Variants in MYO16 observed in about 807,000 individuals in gnomAD.
MYO16 encodes unconventional myosin-XVI.
Under a neutral mutation model 205.3 loss-of-function variants are expected in MYO16, and 94 were observed. The observed-to-expected ratio is 0.46, with a 90% CI of 0.39 to 0.54. The LOEUF (loss-of-function observed/expected upper bound fraction) is 0.54. MYO16 is among the 20% of genes least tolerant of loss of function. The pLI is 0.00. For missense variants in MYO16, 2,315 were observed against 2,387.5 expected (o/e 0.97, Z 0.63); for synonymous variants, 988 against 954.0 (o/e 1.04, Z -0.66).
chr13:108,585,361 G>T, the MYO16 span, among the ~76,000 whole-genome samples: 4 of 152,212 alleles, frequency 2.6e-5, no homozygotes, highest in African/African-American at 9.6e-5. Context: ...ACATTTTCTG[G>T]TTGACATTGA....
At chr13:109,123,189 G>A (rs1360673137) in intron 29 of MYO16, among the ~76,000 whole-genome samples, 3 of 152,170 alleles carry the variant, frequency 2.0e-5, no homozygotes, top group East Asian at 1.9e-4. Context: ...GCCCCTTATT[G>A]AAGATATCAA....
chr13:109,106,559 C>T (rs1889127574), intron 28 of MYO16, among the ~76,000 whole-genome samples: 2 of 152,296 alleles, frequency 1.3e-5, no homozygotes, highest in East Asian at 1.9e-4. Flanking sequence ...GATTTTCACA[C>T]ATTTTATATG....
At chr13:108,618,089 C>G (rs1168855103) in intron 1 of MYO16, among the ~76,000 whole-genome samples, 1 of 152,150 alleles carries the variant, frequency 6.6e-6, no homozygotes, top group African/African-American at 2.4e-5. Flanking sequence ...AGCCCTCATG[C>G]TCTCTCCCCT....
rs180953134 is a variant in MYO16 at position 108,870,270 on chromosome 13, T to C, written c.1425+4028T>C. 2.8e-3 allele frequency among the ~76,000 whole-genome samples: 433 copies of C among 152,196 alleles called. 2 individuals carry two copies. Among genetic ancestry groups the C allele is most frequent in the Non-Finnish European group, 3.5e-3 (237 of 67,956 alleles). ...ACCTTACATTTTGATGTTTTATCCT[T>C]TTCTTTATATTACTGACGTCTATTA... is the stretch of plus-strand genomic sequence containing the variant. On this transcript the variant is annotated intron_variant, in intron 12 of 34. Transcript: ENST00000457511.
At chr13:109,058,185 C>T (rs1887474429) in intron 27 of MYO16, among the ~76,000 whole-genome samples, 1 of 152,136 alleles carries the variant, frequency 6.6e-6, no homozygotes, top group Non-Finnish European at 1.5e-5. Flanking sequence ...CATGGAATCT[C>T]TAGTCATCTG....
rs1297231897 is a variant in MYO16 at position 108,709,583 on chromosome 13, C to CA, written c.293-3077dup. ...AAGTAATTCTTACACGTAAGGTACT[C>CA]AGTACAGGGTTATACCAAAGATGTT... On this transcript the variant is annotated intron_variant, in intron 2 of 34. Transcript: ENST00000457511. 3.0e-5 allele frequency among the ~76,000 whole-genome samples: 4 copies of CA among 134,848 alleles called. 1 individual carries two copies. Among genetic ancestry groups the CA allele is most frequent in the African/African-American group, 1.1e-4 (4 of 36,222 alleles). 88.5% of individuals were successfully genotyped at this position (134,848 alleles called of 152,430 possible). A position where few individuals can be genotyped will look rare whatever the true frequency, so the allele number is the denominator to read the frequency against.
chr13:108,749,126 TTAAC>T (rs1885150287), intron 4 of MYO16, among the ~76,000 whole-genome samples: 1 of 152,190 alleles, frequency 6.6e-6, no homozygotes, highest in Non-Finnish European at 1.5e-5. Context: ...ATCAAGCTAA[TTAAC>T]ATATGCATTA....
the MYO16 span, among the ~76,000 whole-genome samples, chr13:108,566,689 A>AAG: frequency 3.4e-3 from 492 of 144,480 alleles, no homozygotes; most frequent in Middle Eastern, 0.018. Flanking sequence ...AAGGAAGGGA[A>AAG]AGAGAGAGAG....
chr13:108,581,159 T>A, the MYO16 span, among the ~76,000 whole-genome samples: 2 of 152,180 alleles, frequency 1.3e-5, no homozygotes, highest in Non-Finnish European at 2.9e-5. Flanking sequence ...GAGTACCCAT[T>A]TTAGAAAAGT....
At chr13:108,559,930 C>T in the MYO16 span, among the ~76,000 whole-genome samples, 2 of 152,142 alleles carry the variant, frequency 1.3e-5, no homozygotes, top group South Asian at 4.1e-4. Context: ...TTTAAAATTA[C>T]AGCACTATGA....
intron 5 of MYO16, among the ~76,000 whole-genome samples, chr13:108,787,439 C>G (rs1351984805): frequency 6.6e-6 from 1 of 152,138 alleles, no homozygotes; most frequent in Non-Finnish European, 1.5e-5. Context: ...TTTTTAAAAG[C>G]TACAGTAATA....
intron 6 of MYO16, among the ~76,000 whole-genome samples, chr13:108,800,751 C>T (rs1048756061): frequency 5.9e-5 from 9 of 152,128 alleles, no homozygotes; most frequent in Admixed American, 1.3e-4. Flanking sequence ...GCATTAGCCT[C>T]AGCATGATCT....
chr13:108,802,237 A>G (rs1886990119), intron 6 of MYO16, among the ~76,000 whole-genome samples: 1 of 151,854 alleles, frequency 6.6e-6, no homozygotes, highest in African/African-American at 2.4e-5. Context: ...ACAACTCTTC[A>G]TTTTCTCTCT....
intron 32 of MYO16, among the ~76,000 whole-genome samples, chr13:109,149,736 C>G (rs1415042655): frequency 6.6e-6 from 1 of 152,110 alleles, no homozygotes; most frequent in Non-Finnish European, 1.5e-5. Flanking sequence ...TCCTCTTTTT[C>G]TCCCCTTTCC....
chr13:108,896,142 C>T (rs1880403273), intron 14 of MYO16, among the ~76,000 whole-genome samples: 1 of 151,982 alleles, frequency 6.6e-6, no homozygotes. Context: ...GTCCTTTTTC[C>T]AAGAATAATC....
At chr13:108,566,989 T>C in the MYO16 span, among the ~76,000 whole-genome samples, 1 of 152,290 alleles carries the variant, frequency 6.6e-6, no homozygotes, top group Non-Finnish European at 1.5e-5. Context: ...TGTGGGAATG[T>C]GGCCAGTAGA....
At chr13:108,952,430 C>T (rs1490690900) in intron 16 of MYO16, among the ~76,000 whole-genome samples, 1 of 152,098 alleles carries the variant, frequency 6.6e-6, no homozygotes, top group Admixed American at 6.6e-5. Context: ...AACTTCAGTG[C>T]CCTTATTTCT....
At chr13:109,166,528 T>C (rs1878675766) in intron 33 of MYO16, 2 of 152,190 alleles carry the variant, frequency 1.3e-5, no homozygotes, top group South Asian at 2.1e-4. Flanking sequence ...AGGGAGCGCA[T>C]GAGCAGAAGA....
intron 16 of MYO16, among the ~76,000 whole-genome samples, chr13:108,931,689 A>G (rs1882264052): frequency 6.6e-6 from 1 of 152,172 alleles, no homozygotes; most frequent in African/African-American, 2.4e-5. Flanking sequence ...ATTCACACAT[A>G]ATAGGTATGT....
Sources: allele counts gnomAD v4.1 joint callset (sites outside exome capture counted in the v4.1 genomes callset), GRCh38; gene constraint gnomAD v4.1.1; transcripts MANE v1.5; gene names NCBI Gene and HGNC (gene_info 2026-07-23, HGNC 2026-07-21).